Variants in CCBE1 observed in about 807,000 individuals in gnomAD.
CCBE1 encodes the protein collagen and calcium binding EGF domains 1.
CCBE1 carries 37 observed loss-of-function variants against 50.0 expected under a neutral mutation model. The ratio of observed to expected loss-of-function variants is 0.74; its 90% CI spans 0.57 to 0.97. The LOEUF (loss-of-function observed/expected upper bound fraction) is 0.97. Among genes scored for constraint, CCBE1 ranks in the 50% least tolerant of loss-of-function variants. The probability of loss-of-function intolerance (pLI) is 0.00; values close to 1 mark genes in which losing one functional copy is unlikely to be tolerated. For missense variants in CCBE1, 538 were observed against 523.8 expected, an observed-to-expected ratio of 1.03 and a Z score of -0.26; for synonymous variants, 234 against 203.7, an observed-to-expected ratio of 1.15 and a Z score of -1.27.
At chr18:59,502,551 T>G (rs930820159) in intron 2 of CCBE1, among the ~76,000 whole-genome samples, 3 of 152,176 alleles carry the variant, frequency 2.0e-5, no homozygotes, top group African/African-American at 7.2e-5. Flanking sequence ...CATGGCACAC[T>G]TTCAATTATT....
At chr18:59,663,047 C>A (rs1175100269) in intron 2 of CCBE1, among the ~76,000 whole-genome samples, 17 of 152,282 alleles carry the variant, frequency 1.1e-4, no homozygotes, top group African/African-American at 4.1e-4. Flanking sequence ...TACAATTCAA[C>A]AAATTACTTT....
chr18:59,697,476 G>T, upstream of CCBE1: 9 of 1,144,986 alleles, frequency 7.9e-6, no homozygotes, highest in South Asian at 4.8e-5. Flanking sequence ...CCACCTGCAC[G>T]GGGAGCAGGG....
At chr18:59,623,692 C>T (rs1395453709) in intron 2 of CCBE1, among the ~76,000 whole-genome samples, 1 of 152,154 alleles carries the variant, frequency 6.6e-6, no homozygotes, top group South Asian at 2.1e-4. Flanking sequence ...GTTGGAGGGC[C>T]GGGGGCTGAG....
chr18:59,641,691 T>C (rs552535445), intron 2 of CCBE1, among the ~76,000 whole-genome samples: 2 of 152,128 alleles, frequency 1.3e-5, no homozygotes, highest in African/African-American at 2.4e-5. Flanking sequence ...CATAAACATA[T>C]AGTAATCAGA....
rs1259720950 is a variant in CCBE1, at chr18:59,493,488, G to A, written c.213-13250C>T. ...GAAATATTAAGTTTGACTTAAAGAAGAACTTACTATATACCAAGATAAGCA... is the reference window on the plus strand; with the variant it reads ...GAAATATTAAGTTTGACTTAAAGAAAAACTTACTATATACCAAGATAAGCA... On this transcript the variant is annotated intron_variant, in intron 2 of 10. Coordinates refer to ENST00000439986, the MANE Select transcript of CCBE1 (RefSeq NM_133459.4). 3.3e-5 allele frequency among the ~76,000 whole-genome samples: 5 copies of A among 151,992 alleles called. No individual in the cohort carries two copies. In the East Asian group the frequency reaches 9.6e-4, roughly 29 times the overall value.
At chr18:59,677,874 A>G (rs185227621) in intron 2 of CCBE1, among the ~76,000 whole-genome samples, 1 of 152,314 alleles carries the variant, frequency 6.6e-6, no homozygotes, top group African/African-American at 2.4e-5. Context: ...TTTTGATTAT[A>G]TATGTACAAA....
Position 59,631,352 on chromosome 18 carries a change from T to C in CCBE1, c.212+65277A>G, listed in dbSNP as rs551712154. 1.2e-4 allele frequency among the ~76,000 whole-genome samples: 18 copies of C among 152,328 alleles called. No individual in the cohort carries two copies. The East Asian group carries it at 1.9e-3, about 16-fold the overall frequency. On this transcript the variant is annotated intron_variant, in intron 2 of 10. Coordinates refer to ENST00000439986, the MANE Select transcript of CCBE1 (RefSeq NM_133459.4). ...CCAGCCTATCCCTAGAATTTGCAGTTACATAAGCCAATAAACTTCCTTTGT... is the reference window on the plus strand; with the variant it reads ...CCAGCCTATCCCTAGAATTTGCAGTCACATAAGCCAATAAACTTCCTTTGT...
At chr18:59,556,882 G>A (rs1307156591) in intron 2 of CCBE1, among the ~76,000 whole-genome samples, 1 of 152,206 alleles carries the variant, frequency 6.6e-6, no homozygotes, top group East Asian at 1.9e-4. Flanking sequence ...AAACTCTGCT[G>A]CATTTGTGCT....
intron 2 of CCBE1, among the ~76,000 whole-genome samples, chr18:59,648,772 G>A (rs2054089317): frequency 6.6e-6 from 1 of 152,244 alleles, no homozygotes; most frequent in African/African-American, 2.4e-5. Context: ...GACCAACTCA[G>A]CTAGTGATGG....
chr18:59,580,514 C>G (rs1055366435), intron 2 of CCBE1, among the ~76,000 whole-genome samples: 2 of 152,196 alleles, frequency 1.3e-5, no homozygotes, highest in East Asian at 1.9e-4. Flanking sequence ...AATACACTTT[C>G]TAAATTAACT....
intron 2 of CCBE1, among the ~76,000 whole-genome samples, chr18:59,597,906 A>C (rs1216937360): frequency 6.6e-6 from 1 of 152,214 alleles, no homozygotes; most frequent in African/African-American, 2.4e-5. Flanking sequence ...GCAATCTTGA[A>C]GAAAAGGGTA....
intron 2 of CCBE1, among the ~76,000 whole-genome samples, chr18:59,520,152 A>G (rs1914537692): frequency 1.3e-5 from 2 of 152,286 alleles, no homozygotes; most frequent in East Asian, 3.9e-4. Flanking sequence ...TCTTGGCTAT[A>G]CAGGCTCTTT....
rs7243696 is a variant in CCBE1, at chr18:59,439,009, G to A, written c.951+534C>T. On this transcript the variant is annotated intron_variant, in intron 9 of 10. Transcript: ENST00000439986. ...TACTAAAAAATCCAAAAATTAGGCC[G>A]GGTGTGGTGGCTCACGCCTGTAATC... is the stretch of plus-strand genomic sequence containing the variant. 4.4e-3 allele frequency among the ~76,000 whole-genome samples: 669 copies of A among 152,254 alleles called. 7 individuals carry two copies. The highest frequency in any genetic ancestry group is 0.015 in the African/African-American group (621 of 41,552).
rs1471696650 is a variant in CCBE1, at chr18:59,480,227, C to T, written c.224G>A (p.Cys75Tyr). 1.3e-6 allele frequency: 2 copies of T among 1,596,416 alleles called. No homozygotes were observed. The highest frequency in any genetic ancestry group is 3.3e-5 in the Admixed American group (2 of 59,954). ...TCCAAGAACAAATTTATATCCTTTG[C>T]AGCACTTTTTCCTAAGAGACAAACA... ...ELTTCYRKKCCKGYKFVLGQC... is the reference protein window; with the variant it reads ...ELTTCYRKKCYKGYKFVLGQC... The change falls in exon 3 of 11, where the codon TGC (cysteine) becomes TAC (tyrosine). Residue 75 changes from cysteine (C) to tyrosine (Y), a missense_variant. Coordinates refer to ENST00000439986, the MANE Select transcript of CCBE1 (RefSeq NM_133459.4).
At position 59,539,141 on chromosome 18, in the gene CCBE1, A is replaced by G. The variant is rs139663255; in HGVS notation, c.213-58903T>C. On this transcript the variant is annotated intron_variant, in intron 2 of 10. Transcript: ENST00000439986. ...CATGGACCTATGATTGTGCCACTGC[A>G]CTCCATCCTGGGCTATAGGGCAGGA... Among the ~76,000 whole-genome samples the G allele has an allele frequency of 1.7e-3, 256 of 151,586 alleles. 2 individuals are homozygous for G. The highest frequency in any genetic ancestry group is 6.1e-3 in the African/African-American group (252 of 41,228).
At chr18:59,489,978 G>A (rs527941169) in intron 2 of CCBE1, among the ~76,000 whole-genome samples, 27 of 140,654 alleles carry the variant, frequency 1.9e-4, no homozygotes, top group African/African-American at 6.4e-4. Flanking sequence ...ACTTATATAC[G>A]CATAAGGAGT....
intron 5 of CCBE1, 114 bp from the exon 6 acceptor site, chr18:59,455,065 C>T (rs764878395): frequency 1.9e-5 from 15 of 805,664 alleles, no homozygotes; most frequent in South Asian, 7.0e-5. Flanking sequence ...GCGGGACATG[C>T]GAGGGCTCAA....
intron 2 of CCBE1, among the ~76,000 whole-genome samples, chr18:59,585,513 T>C (rs551028608): frequency 6.6e-6 from 1 of 152,286 alleles, no homozygotes; most frequent in South Asian, 2.1e-4. Flanking sequence ...GATGAGTGAA[T>C]ATTCAATCAA....
chr18:59,622,682 T>C (rs1055672190), intron 2 of CCBE1, among the ~76,000 whole-genome samples: 1 of 149,956 alleles, frequency 6.7e-6, no homozygotes, highest in African/African-American at 2.5e-5. Context: ...GCGCCTATAA[T>C]CCCAGCTACT....
Sources: allele counts gnomAD v4.1 joint callset (sites outside exome capture counted in the v4.1 genomes callset), GRCh38; gene constraint gnomAD v4.1.1; transcripts MANE v1.5; gene names NCBI Gene and HGNC (gene_info 2026-07-23, HGNC 2026-07-21).